KLHDC1: variants seen among roughly 807,000 people sequenced by gnomAD.
KLHDC1 encodes kelch domain containing 1, also known as kelch domain-containing protein 1.
A neutral mutation model predicts 68.3 loss-of-function variants in KLHDC1; 53 were observed. The ratio of observed to expected loss-of-function variants is 0.78; its 90% CI spans 0.62 to 0.98. The LOEUF (loss-of-function observed/expected upper bound fraction) is 0.98. KLHDC1 is among the 50% of genes least tolerant of loss of function. KLHDC1 has a pLI of 0.00. For missense variants in KLHDC1, 470 were observed against 492.3 expected, an observed-to-expected ratio of 0.95 and a Z score of 0.43; for synonymous variants, 148 against 159.0, an observed-to-expected ratio of 0.93 and a Z score of 0.52.
intron 8 of KLHDC1, 114 bp from the exon 9 acceptor site, chr14:49,732,590 G>T: frequency 2.0e-6 from 1 of 497,006 alleles, no homozygotes; most frequent in Admixed American, 3.9e-5. Context: ...GGTGGGACTA[G>T]TAAAAGTTTT....
chr14:49,746,920 C>T (rs1284157320), intron 12 of KLHDC1, among the ~76,000 whole-genome samples: 3 of 151,822 alleles, frequency 2.0e-5, no homozygotes, highest in East Asian at 1.9e-4. Flanking sequence ...ATAATAAGAC[C>T]CTTCCACCCT....
intron 1 of KLHDC1, chr14:49,708,678 C>G (rs1888121382): frequency 2.6e-5 from 4 of 153,076 alleles, no homozygotes; most frequent in African/African-American, 9.7e-5. Flanking sequence ...ATAGTAGGCA[C>G]TCAAAAAATA....
chr14:49,722,585 G>A (rs564271095), intron 4 of KLHDC1, among the ~76,000 whole-genome samples: 103 of 152,296 alleles, frequency 6.8e-4, no homozygotes, highest in African/African-American at 2.3e-3. Flanking sequence ...GGGGCCAGGC[G>A]CCATGGCTCA....
chr14:49,744,963 T>C (rs980344007), intron 12 of KLHDC1, among the ~76,000 whole-genome samples: 20 of 152,206 alleles, frequency 1.3e-4, no homozygotes, highest in African/African-American at 4.6e-4. Context: ...AAAAGGAGTC[T>C]GTACAAAGTT....
chr14:49,741,472 AT>A (rs1271786009), intron 11 of KLHDC1, among the ~76,000 whole-genome samples: 1 of 151,610 alleles, frequency 6.6e-6, no homozygotes, highest in African/African-American at 2.4e-5. Context: ...CGCCCGGCTA[AT>A]TTTTTGTATT....
chr14:49,743,366 C>T (rs1349921970), intron 11 of KLHDC1, among the ~76,000 whole-genome samples: 3 of 147,514 alleles, frequency 2.0e-5, no homozygotes, highest in Non-Finnish European at 4.4e-5. Flanking sequence ...CACCACTGCA[C>T]TCCAGTCTGG....
intron 4 of KLHDC1, among the ~76,000 whole-genome samples, chr14:49,715,181 G>A (rs2139744152): frequency 6.7e-6 from 1 of 149,830 alleles, no homozygotes; most frequent in Non-Finnish European, 1.5e-5. Flanking sequence ...GGAGTGCAGT[G>A]GCATGATCTC....
In KLHDC1 at chr14:49,740,190, A is replaced by G. The variant is rs767989021; in HGVS notation, c.981+8A>G. ...TTACTTGCCTTGGATACAGTAAGAA[A>G]ATCTTATATCTAAATATTTCCTCTG... On this transcript the variant is annotated splice_region_variant and intron_variant, in intron 11 of 12. Coordinates refer to ENST00000359332, the MANE Select transcript of KLHDC1 (RefSeq NM_172193.3). 6.7e-7 allele frequency: 1 copy of G among 1,503,174 alleles called. No individual in the cohort carries two copies. Among genetic ancestry groups the G allele is most frequent in the Admixed American group, 1.7e-5 (1 of 57,856 alleles). The allele number at this position is 1,503,174 out of a possible 1,614,324, so 93.1% of individuals were successfully genotyped here. A position where few individuals can be genotyped will look rare whatever the true frequency, so the allele number is the denominator to read the frequency against.
chr14:49,723,771 A>T, intron 4 of KLHDC1, 103 bp from the exon 5 acceptor site: 1 of 624,828 alleles, frequency 1.6e-6, no homozygotes. Context: ...TTAAACTGTG[A>T]TTTTGTGTTT....
intron 4 of KLHDC1, among the ~76,000 whole-genome samples, chr14:49,719,045 G>C (rs1352805025): frequency 6.6e-6 from 1 of 151,854 alleles, no homozygotes; most frequent in African/African-American, 2.4e-5. Flanking sequence ...TCTCAAAAGT[G>C]CTGGGATTAC....
At chr14:49,693,675 A>G (rs912478160) in intron 1 of KLHDC1, among the ~76,000 whole-genome samples, 1 of 149,864 alleles carries the variant, frequency 6.7e-6, no homozygotes, top group Non-Finnish European at 1.5e-5. Context: ...ATATTTCCTT[A>G]TTCCCACGGC....
At chr14:49,731,212 G>A (rs1253485554) in intron 8 of KLHDC1, among the ~76,000 whole-genome samples, 3 of 152,086 alleles carry the variant, frequency 2.0e-5, no homozygotes, top group African/African-American at 4.8e-5. Context: ...CCTGGGAGGC[G>A]GAGGTTGCAG....
At chr14:49,745,814 A>T (rs142763040) in intron 12 of KLHDC1, among the ~76,000 whole-genome samples, 1 of 152,358 alleles carries the variant, frequency 6.6e-6, no homozygotes, top group Non-Finnish European at 1.5e-5. Context: ...CAGAAATCAT[A>T]TGTCATCTAG....
chr14:49,724,062 T>C, intron 5 of KLHDC1, 110 bp downstream of exon 5: 1 of 623,860 alleles, frequency 1.6e-6, no homozygotes, highest in Non-Finnish European at 2.7e-6. Flanking sequence ...TTTGTCGTAA[T>C]TGACGCTATG....
chr14:49,737,512 A>G (rs1270628925), intron 10 of KLHDC1, among the ~76,000 whole-genome samples: 2 of 152,134 alleles, frequency 1.3e-5, no homozygotes, highest in Non-Finnish European at 2.9e-5. Flanking sequence ...TGGTAATAAA[A>G]TAAGTTATGA....
At chr14:49,729,434 A>G (rs1445643783) in intron 7 of KLHDC1, 56 bp from the exon 8 acceptor site, 1 of 1,192,668 alleles carries the variant, frequency 8.4e-7, no homozygotes, top group Non-Finnish European at 1.2e-6. Flanking sequence ...TAAAAGAAAA[A>G]TTTTAGCTGA....
chr14:49,726,117 G>A (rs376326657), intron 6 of KLHDC1, among the ~76,000 whole-genome samples: 7 of 152,160 alleles, frequency 4.6e-5, no homozygotes, highest in African/African-American at 1.2e-4. Context: ...CAAAGTGCCC[G>A]GATTACAGGC....
chr14:49,727,845 G>T (rs527349404), intron 6 of KLHDC1, among the ~76,000 whole-genome samples: 73 of 152,260 alleles, frequency 4.8e-4, no homozygotes, highest in African/African-American at 1.7e-3. Context: ...TGGATGCAGA[G>T]CTTTAATTTC....
intron 9 of KLHDC1, among the ~76,000 whole-genome samples, chr14:49,734,369 G>A (rs1351279664): frequency 6.6e-6 from 1 of 152,136 alleles, no homozygotes; most frequent in Non-Finnish European, 1.5e-5. Flanking sequence ...AAAGATAAGT[G>A]GAGCACATGT....
Sources: gnomAD v4.1 joint callset for allele counts (sites outside exome capture counted in the v4.1 genomes callset) on GRCh38, gnomAD v4.1.1 for gene constraint, MANE v1.5 for transcripts, NCBI Gene and HGNC (gene_info 2026-07-23, HGNC 2026-07-21) for gene names.